ITGA4: variants seen among roughly 807,000 people sequenced by gnomAD.
ITGA4 encodes the protein integrin alpha-4.
ITGA4 carries 63 observed loss-of-function variants against 133.6 expected under a neutral mutation model. That is an observed-to-expected ratio of 0.47 (90% CI 0.38 to 0.58). The LOEUF (loss-of-function observed/expected upper bound fraction) is 0.58. Among genes scored for constraint, ITGA4 ranks in the 20% least tolerant of loss-of-function variants. The pLI, the probability that ITGA4 is intolerant of heterozygous loss-of-function variation, is 0.00. For missense variants in ITGA4, 1,076 were observed against 1,252.7 expected, an observed-to-expected ratio of 0.86 and a Z score of 2.13; for synonymous variants, 483 against 438.0, an observed-to-expected ratio of 1.10 and a Z score of -1.28.
Position 181,536,382 on chromosome 2 carries a change from T to TGATACA in ITGA4, c.*856_*861dup, listed in dbSNP as rs76199202. Reference sequence around the variant, plus strand: ...AAGATTGTGAGTGTTGCACTTTACCTGATACACGCTGATTTAGAAAATACA... The same window carrying TGATACA: ...AAGATTGTGAGTGTTGCACTTTACCTGATACAGATACACGCTGATTTAGAAAATACA... On this transcript the variant is annotated 3_prime_UTR_variant, in exon 28 of 28. Coordinates refer to ENST00000397033, the MANE Select transcript of ITGA4 (RefSeq NM_000885.6). Among the ~76,000 whole-genome samples, 36,111 of 151,690 alleles carry TGATACA rather than the reference T, an allele frequency of 0.24. 5,096 individuals are homozygous for TGATACA. The highest frequency in any genetic ancestry group is 0.32 in the Non-Finnish European group (21,902 of 67,756).
rs1280562115 is a variant in ITGA4, at chr2:181,537,278, A to AGAAACAACTATATATTTCAGGTT, written c.*1752_*1774dup. On this transcript the variant is annotated 3_prime_UTR_variant, in exon 28 of 28. Transcript: ENST00000397033. Reference sequence around the variant, plus strand: ...GGTTCTTTCCTACTCAGAACTACTCAGAAACAACTATATATTTCAGGTTAT... The same window carrying AGAAACAACTATATATTTCAGGTT: ...GGTTCTTTCCTACTCAGAACTACTCAGAAACAACTATATATTTCAGGTTGAAACAACTATATATTTCAGGTTAT... 2.2e-6 allele frequency: 1 copy of AGAAACAACTATATATTTCAGGTT among 453,562 alleles called. No homozygotes were observed. The highest frequency in any genetic ancestry group is 4.4e-6 in the Non-Finnish European group (1 of 226,502). 28.1% of individuals were successfully genotyped at this position (453,562 alleles called of 1,614,324 possible).
Position 181,535,524 on chromosome 2 carries a change from T to G in ITGA4, c.3096T>G (p.Asp1032Glu), listed in dbSNP as rs1687049333. 8 of 1,602,320 alleles carry G rather than the reference T, an allele frequency of 5.0e-6. No homozygotes were observed. The highest frequency in any genetic ancestry group is 6.8e-6 in the Non-Finnish European group (8 of 1,175,216). The change falls in exon 28 of 28, where the codon GAT becomes GAG. Residue 1032 changes from aspartate to glutamate, a missense_variant. Physicochemically the swap from Asp to Glu is conservative, Grantham distance 45 (BLOSUM62 2). Transcript: ENST00000397033. ...ATATCAACAGTAAAAGCAATGATGA[T>G]TAAGGACTTCTTTCAAATTGAGAGA... is the stretch of plus-strand genomic sequence containing the variant. ...WSYINSKSND[D>E] is the part of the protein sequence containing the mutation.
At chr2:181,501,625 T>C (rs1686273314) in intron 15 of ITGA4, among the ~76,000 whole-genome samples, 1 of 152,132 alleles carries the variant, frequency 6.6e-6, no homozygotes, top group African/African-American at 2.4e-5. Flanking sequence ...TTGAAGTCAA[T>C]TTGCTGACAT....
At chr2:181,502,356 G>T (rs551047987) in intron 15 of ITGA4, among the ~76,000 whole-genome samples, 6 of 152,216 alleles carry the variant, frequency 3.9e-5, no homozygotes, top group Admixed American at 2.6e-4. Context: ...AGAGTTTTTT[G>T]GGGTTTTGTC....
intron 2 of ITGA4, among the ~76,000 whole-genome samples, chr2:181,472,201 A>G (rs1037171549): frequency 7.2e-5 from 11 of 152,240 alleles, no homozygotes; most frequent in African/African-American, 2.7e-4. Flanking sequence ...TTCATAATGC[A>G]AGAGTTTGTC....
At position 181,537,039 on chromosome 2, in the gene ITGA4, T is replaced by TG. The variant is rs2105779900; in HGVS notation, c.*1512_*1513insG. The TG allele has an allele frequency of 2.2e-6, 1 of 444,922 alleles. No homozygotes were observed. The highest frequency in any genetic ancestry group is 2.0e-5 in the African/African-American group (1 of 49,718). The allele number at this position is 444,922 out of a possible 1,614,324, so 27.6% of individuals were successfully genotyped here. ...GAATGTTCTGAGATTTGCGAAGGCA[T>TG]TTGAGTAGTGAAATGTAAGCACAAA... On this transcript the variant is annotated 3_prime_UTR_variant, in exon 28 of 28. Transcript: ENST00000397033.
chr2:181,523,380 G>C lies in ITGA4; in HGVS notation c.2074-57G>C. 1 of 1,022,144 alleles carries C rather than the reference G, an allele frequency of 9.8e-7. No individual in the cohort carries two copies. The highest frequency in any genetic ancestry group is 1.5e-6 in the Non-Finnish European group (1 of 645,702). 63.3% of individuals were successfully genotyped at this position (1,022,144 alleles called of 1,614,324 possible). The stretch of plus-strand genomic sequence containing the variant: ...TTTCAATAACCATCCTTAAACATAT[G>C]TTACAAACTTTTTATTTCCTTCCTG... On this transcript the variant is annotated intron_variant, in intron 18 of 27. Transcript: ENST00000397033. This position sits in a 1 kb window ranked among gnomAD's most constrained non-coding sequence, Gnocchi z 4.2.
Position 181,537,175 on chromosome 2 carries a change from T to TCTAGGATCATAG in ITGA4, c.*1649_*1660dup. 2.2e-6 allele frequency: 1 copy of TCTAGGATCATAG among 453,958 alleles called. No individual in the cohort carries two copies. The highest frequency in any genetic ancestry group is 4.4e-6 in the Non-Finnish European group (1 of 226,690). 28.1% of individuals were successfully genotyped at this position (453,958 alleles called of 1,614,324 possible). On this transcript the variant is annotated 3_prime_UTR_variant, in exon 28 of 28. Coordinates refer to ENST00000397033, the MANE Select transcript of ITGA4 (RefSeq NM_000885.6). ...GGCTAGTCATTCTTTCAGGAGAACATCTAGGATCATAGATGAAAAATCAAG... is the reference window on the plus strand; with the variant it reads ...GGCTAGTCATTCTTTCAGGAGAACATCTAGGATCATAGCTAGGATCATAGATGAAAAATCAAG...
intron 2 of ITGA4, among the ~76,000 whole-genome samples, chr2:181,468,106 A>G (rs1382563388): frequency 6.6e-6 from 1 of 152,214 alleles, no homozygotes; most frequent in Non-Finnish European, 1.5e-5. Context: ...CACGTCACAC[A>G]TATCTCATTT....
intron 3 of ITGA4, 37 bp downstream of exon 3, chr2:181,475,103 A>G (rs778995676): frequency 2.5e-6 from 4 of 1,613,408 alleles, no homozygotes; most frequent in Non-Finnish European, 2.5e-6. Context: ...CCATCGTGAA[A>G]TCAGCTATCC....
chr2:181,462,336 T>C lies in ITGA4; in HGVS notation c.319+4019T>C, dbSNP rs151309671. 5.3e-3 allele frequency among the ~76,000 whole-genome samples: 808 copies of C among 152,312 alleles called. 9 individuals carry two copies. Among genetic ancestry groups the C allele is most frequent in the African/African-American group, 0.018 (766 of 41,582 alleles). ...TTTAGATTTCTTTCTGGAAATTTTATTACCTTAGCCAGCCTCCTGGTTCAT... is the reference window on the plus strand; with the variant it reads ...TTTAGATTTCTTTCTGGAAATTTTACTACCTTAGCCAGCCTCCTGGTTCAT... On this transcript the variant is annotated intron_variant, in intron 2 of 27. Transcript: ENST00000397033.
Position 181,536,600 on chromosome 2 carries a change from A to ATG in ITGA4, c.*1073_*1074insTG, listed in dbSNP as rs1459089160. On this transcript the variant is annotated 3_prime_UTR_variant, in exon 28 of 28. Transcript: ENST00000397033. The stretch of plus-strand genomic sequence containing the variant: ...ACGAAGAAACAAAATTCATAAATTT[A>ATG]AATTCATAAATTTAGCTGAAAGATA... 1 of 159,840 alleles carries ATG rather than the reference A, an allele frequency of 6.3e-6. No individual in the cohort carries two copies. Among genetic ancestry groups the ATG allele is most frequent in the Non-Finnish European group, 1.3e-5 (1 of 76,170 alleles). The allele number at this position is 159,840 out of a possible 1,614,324, so 9.9% of individuals were successfully genotyped here.
At chr2:181,520,867 G>A (rs1021475281) in intron 17 of ITGA4, among the ~76,000 whole-genome samples, 1 of 152,112 alleles carries the variant, frequency 6.6e-6, no homozygotes, top group Non-Finnish European at 1.5e-5. Flanking sequence ...ATTCATTCAT[G>A]AATCTTCAAG....
chr2:181,461,516 A>G (rs1346957893), intron 2 of ITGA4, among the ~76,000 whole-genome samples: 1 of 151,966 alleles, frequency 6.6e-6, no homozygotes, highest in African/African-American at 2.4e-5. Context: ...CTGCATCATC[A>G]GGCTTGTTTA....
intron 15 of ITGA4, among the ~76,000 whole-genome samples, chr2:181,506,776 A>G (rs556995811): frequency 1.4e-4 from 22 of 152,214 alleles, no homozygotes; most frequent in African/African-American, 4.6e-4. Flanking sequence ...TGAGCTTTGA[A>G]AATAATCTAT....
chr2:181,459,083 AC>A (rs1685205131), intron 2 of ITGA4: 1 of 152,360 alleles, frequency 6.6e-6, no homozygotes, highest in East Asian at 1.9e-4. Context: ...CCAAAGTGTT[AC>A]TGCTATATAT....
chr2:181,469,155 T>C (rs1239007034), intron 2 of ITGA4, among the ~76,000 whole-genome samples: 1 of 152,222 alleles, frequency 6.6e-6, no homozygotes, highest in African/African-American at 2.4e-5. Context: ...ATAATCGTCA[T>C]TTTTGACCAA....
At position 181,495,356 on chromosome 2, in the gene ITGA4, T is replaced by A; in HGVS notation, c.1340-15T>A. 2 of 1,601,394 alleles carry A rather than the reference T, an allele frequency of 1.2e-6. No individual in the cohort carries two copies. Among genetic ancestry groups the A allele is most frequent in the Non-Finnish European group, 1.7e-6 (2 of 1,168,610 alleles). On this transcript the variant is annotated splice_polypyrimidine_tract_variant and intron_variant, in intron 12 of 27. Coordinates refer to ENST00000397033, the MANE Select transcript of ITGA4 (RefSeq NM_000885.6). The surrounding 1 kb of genome is among the most constrained non-coding windows in gnomAD (Gnocchi z 4.3). Reference sequence around the variant, plus strand: ...TAATGATGATCATTAATCTGTGTTGTTTTTTATCCTCCAGATGTAGCAGTT... The same window carrying A: ...TAATGATGATCATTAATCTGTGTTGATTTTTATCCTCCAGATGTAGCAGTT...
At chr2:181,481,379 C>T (rs993065531) in intron 6 of ITGA4, among the ~76,000 whole-genome samples, 43 of 152,164 alleles carry the variant, frequency 2.8e-4, no homozygotes, top group African/African-American at 9.9e-4. Context: ...TTCTAGGACT[C>T]GGAAATACAT....
Sources: gnomAD v4.1 joint callset for allele counts (sites outside exome capture counted in the v4.1 genomes callset) on GRCh38, gnomAD v4.1.1 for gene constraint, Gnocchi (gnomAD v3.1) non-coding constraint, MANE v1.5 for transcripts, NCBI Gene and HGNC (gene_info 2026-07-23, HGNC 2026-07-21) for gene names.